NALF1: variants seen among roughly 807,000 people sequenced by gnomAD.
NALF1 encodes family with sequence similarity 155 member A.
In NALF1, 3 loss-of-function variants were observed where a neutral mutation model predicts 48.4. That is an observed-to-expected ratio of 0.06 (90% CI 0.03 to 0.16). The LOEUF (loss-of-function observed/expected upper bound fraction) is 0.16, where lower values mean the gene tolerates loss of function less well. Among genes scored for constraint, NALF1 ranks in the 10% least tolerant of loss-of-function variants. NALF1 has a pLI of 1.00. For missense variants in NALF1, 526 were observed against 571.5 expected (o/e 0.92, Z 0.81); for synonymous variants, 262 against 245.7 (o/e 1.07, Z -0.62).
At chr13:107,408,384 T>C (rs1231036567) in intron 1 of NALF1, among the ~76,000 whole-genome samples, 2 of 152,082 alleles carry the variant, frequency 1.3e-5, no homozygotes, top group African/African-American at 4.8e-5. Context: ...AATTACCTCA[T>C]GTAACCCATA....
At chr13:107,306,689 C>A (rs531153836) in intron 1 of NALF1, among the ~76,000 whole-genome samples, 2 of 152,126 alleles carry the variant, frequency 1.3e-5, no homozygotes, top group African/African-American at 4.8e-5. Flanking sequence ...GTCAGCCAGG[C>A]GAGATGGCTC....
chr13:107,363,594 G>A (rs117800159), intron 1 of NALF1, among the ~76,000 whole-genome samples: 4,332 of 152,232 alleles, frequency 0.028, 107 homozygotes, highest in Middle Eastern at 0.061. Flanking sequence ...ACAGTGAATG[G>A]ACTGTTTAAA....
intron 1 of NALF1, among the ~76,000 whole-genome samples, chr13:107,457,928 C>T (rs1009198343): frequency 4.6e-5 from 7 of 152,282 alleles, no homozygotes; most frequent in Non-Finnish European, 7.3e-5. Context: ...ATTATTTCTA[C>T]GTTGTTAATT....
intron 1 of NALF1, among the ~76,000 whole-genome samples, chr13:107,791,642 A>G (rs1878237710): frequency 6.6e-6 from 1 of 152,200 alleles, no homozygotes; most frequent in Admixed American, 6.5e-5. Context: ...TAATGTTGTG[A>G]ACAAATAATA....
At chr13:107,331,507 G>A (rs1244338560) in intron 1 of NALF1, among the ~76,000 whole-genome samples, 3 of 152,110 alleles carry the variant, frequency 2.0e-5, no homozygotes, top group Non-Finnish European at 2.9e-5. Flanking sequence ...TTAGGTTGAC[G>A]TAAAAGGAAT....
intron 1 of NALF1, among the ~76,000 whole-genome samples, chr13:107,294,165 C>T (rs1881682182): frequency 6.6e-6 from 1 of 152,138 alleles, no homozygotes; most frequent in South Asian, 2.1e-4. Flanking sequence ...CCAGTCCAGT[C>T]AAGGAACATA....
At chr13:107,257,149 TC>T (rs768698509) in intron 1 of NALF1, among the ~76,000 whole-genome samples, 61 of 152,114 alleles carry the variant, frequency 4.0e-4, no homozygotes, top group Middle Eastern at 3.4e-3. Context: ...GAGAACTTAC[TC>T]CCTGTCACAA....
chr13:107,635,294 TAC>T (rs1304364269), intron 1 of NALF1, among the ~76,000 whole-genome samples: 1 of 151,992 alleles, frequency 6.6e-6, no homozygotes, highest in Admixed American at 6.6e-5. Flanking sequence ...TCAGGAAACT[TAC>T]AGTCATGGCA....
chr13:107,314,850 C>G (rs1222186798), intron 1 of NALF1, among the ~76,000 whole-genome samples: 1 of 152,162 alleles, frequency 6.6e-6, no homozygotes. Context: ...GAGAAATGAA[C>G]TGACGAGTGA....
intron 1 of NALF1, among the ~76,000 whole-genome samples, chr13:107,326,592 T>C (rs929961753): frequency 4.6e-5 from 7 of 152,212 alleles, no homozygotes; most frequent in African/African-American, 1.2e-4. Context: ...AGCTTCCTTA[T>C]GGAAGATCAC....
rs145865282 is a variant in NALF1, at chr13:107,473,846, T to C, written c.916-263091A>G. Among the ~76,000 whole-genome samples, 22 of 152,304 alleles carry C rather than the reference T, an allele frequency of 1.4e-4. No homozygotes were observed. In the East Asian group the frequency reaches 3.9e-3, roughly 27 times the overall value. On this transcript the variant is annotated intron_variant, in intron 1 of 2. Transcript: ENST00000375915. ...ACAAAAGTGCGACTTCTCCCAACCA[T>C]CTGGTTTCAGTGGCTGTTGGCTCCG... is the stretch of plus-strand genomic sequence containing the variant.
At chr13:107,608,678 T>A (rs1359369176) in intron 1 of NALF1, among the ~76,000 whole-genome samples, 1 of 152,172 alleles carries the variant, frequency 6.6e-6, no homozygotes, top group Non-Finnish European at 1.5e-5. Flanking sequence ...TCGAATATAA[T>A]TAAGCAACTT....
At chr13:107,561,329 C>T (rs1877638225) in intron 1 of NALF1, among the ~76,000 whole-genome samples, 1 of 152,132 alleles carries the variant, frequency 6.6e-6, no homozygotes, top group Non-Finnish European at 1.5e-5. Context: ...CTCAGCTTTA[C>T]TTGTTTTTTC....
intron 1 of NALF1, among the ~76,000 whole-genome samples, chr13:107,672,803 T>C (rs1881021365): frequency 6.6e-6 from 1 of 152,140 alleles, no homozygotes; most frequent in Admixed American, 6.5e-5. Context: ...TAAAAAATTT[T>C]CCAAGGTCAC....
intron 1 of NALF1, among the ~76,000 whole-genome samples, chr13:107,370,190 C>T (rs1362725297): frequency 3.9e-5 from 6 of 152,142 alleles, no homozygotes; most frequent in Non-Finnish European, 5.9e-5. Flanking sequence ...GTTTGGGGGA[C>T]GTTAGCTTTC....
intron 1 of NALF1, among the ~76,000 whole-genome samples, chr13:107,700,727 A>G (rs1881798425): frequency 6.6e-6 from 1 of 152,098 alleles, no homozygotes; most frequent in East Asian, 1.9e-4. Flanking sequence ...TGCAAACCCC[A>G]TATCTGATAA....
At chr13:107,532,333 A>G (rs916852624) in intron 1 of NALF1, among the ~76,000 whole-genome samples, 2 of 152,092 alleles carry the variant, frequency 1.3e-5, no homozygotes, top group East Asian at 1.9e-4. Context: ...AGAAATTTCA[A>G]TGATTTTTGT....
At chr13:107,775,466 T>C (rs1354589610) in intron 1 of NALF1, among the ~76,000 whole-genome samples, 2 of 151,792 alleles carry the variant, frequency 1.3e-5, no homozygotes, top group Admixed American at 6.6e-5. Context: ...TGTTGGACAT[T>C]TGGGTTGGTT....
chr13:107,220,589 C>G (rs1165575680), intron 1 of NALF1, among the ~76,000 whole-genome samples: 1 of 152,190 alleles, frequency 6.6e-6, no homozygotes, highest in Non-Finnish European at 1.5e-5. Context: ...TGGAGTCTGA[C>G]AGTAGATAGG....
Sources: gnomAD v4.1 joint callset for allele counts (sites outside exome capture counted in the v4.1 genomes callset) on GRCh38, gnomAD v4.1.1 for gene constraint, MANE v1.5 for transcripts, NCBI Gene and HGNC (gene_info 2026-07-23, HGNC 2026-07-21) for gene names.